Variants in GRM8 observed in about 807,000 individuals in gnomAD.
GRM8 encodes metabotropic glutamate receptor 8.
GRM8 carries 47 observed loss-of-function variants against 87.2 expected under a neutral mutation model. That is an observed-to-expected ratio of 0.54 (90% CI 0.43 to 0.69). The LOEUF is 0.69. Ranked by LOEUF, GRM8 falls within the 30% of genes least tolerant of loss-of-function variation. The pLI, the probability that GRM8 is intolerant of heterozygous loss-of-function variation, is 0.00. For missense variants in GRM8, 1,019 were observed against 1,139.2 expected, an observed-to-expected ratio of 0.89 and a Z score of 1.52; for synonymous variants, 396 against 404.5, an observed-to-expected ratio of 0.98 and a Z score of 0.25.
chr7:126,771,563 G>A (rs140192429), intron 6 of GRM8, among the ~76,000 whole-genome samples: 16 of 151,308 alleles, frequency 1.1e-4, no homozygotes, highest in African/African-American at 3.4e-4. Context: ...AATATAAATC[G>A]GACTATAAAA....
intron 6 of GRM8, among the ~76,000 whole-genome samples, chr7:126,806,786 G>A (rs1475877582): frequency 1.3e-5 from 2 of 152,208 alleles, no homozygotes; most frequent in Admixed American, 6.5e-5. Context: ...GGTGCCTGCC[G>A]GCTGTGCCGC....
chr7:127,030,370 T>A (rs1817246339), intron 3 of GRM8, among the ~76,000 whole-genome samples: 1 of 152,092 alleles, frequency 6.6e-6, no homozygotes, highest in Non-Finnish European at 1.5e-5. Context: ...TCTTACCCAG[T>A]GCCTCTCAAT....
chr7:127,109,475 AC>A (rs530455815), intron 2 of GRM8, among the ~76,000 whole-genome samples: 55 of 152,158 alleles, frequency 3.6e-4, no homozygotes, highest in African/African-American at 1.3e-3. Flanking sequence ...CCATATTCTC[AC>A]AGCATCTGCA....
chr7:126,455,589 T>A (rs1323480215), intron 9 of GRM8, among the ~76,000 whole-genome samples: 1 of 151,784 alleles, frequency 6.6e-6, no homozygotes. Flanking sequence ...TAATTACATC[T>A]TCTTAAACTT....
At chr7:126,678,788 A>G (rs1807250236) in intron 7 of GRM8, among the ~76,000 whole-genome samples, 1 of 152,218 alleles carries the variant, frequency 6.6e-6, no homozygotes, top group Non-Finnish European at 1.5e-5. Context: ...GAATTTTCCA[A>G]AATTGACTAA....
intron 8 of GRM8, among the ~76,000 whole-genome samples, chr7:126,559,707 G>C (rs1003489084): frequency 6.6e-6 from 1 of 152,178 alleles, no homozygotes; most frequent in Admixed American, 6.5e-5. Flanking sequence ...AATTGATTCT[G>C]TAAGTCCTTC....
At chr7:126,557,302 G>T (rs1793252618) in intron 8 of GRM8, among the ~76,000 whole-genome samples, 1 of 152,196 alleles carries the variant, frequency 6.6e-6, no homozygotes, top group Admixed American at 6.5e-5. Flanking sequence ...CATAAGGATA[G>T]CAAATAACAA....
At chr7:126,725,732 G>A (rs1018385130) in intron 7 of GRM8, among the ~76,000 whole-genome samples, 4 of 152,170 alleles carry the variant, frequency 2.6e-5, no homozygotes, top group African/African-American at 9.6e-5. Context: ...TAAGAAGCAC[G>A]GCGTTGGCAT....
At chr7:126,753,030 G>A (rs1266654818) in intron 7 of GRM8, among the ~76,000 whole-genome samples, 1 of 152,026 alleles carries the variant, frequency 6.6e-6, no homozygotes, top group African/African-American at 2.4e-5. Context: ...TTAATAATCT[G>A]TTCAATGACT....
chr7:126,542,954 A>G (rs1258756219), intron 8 of GRM8, among the ~76,000 whole-genome samples: 3 of 152,230 alleles, frequency 2.0e-5, no homozygotes, highest in Non-Finnish European at 1.5e-5. Context: ...AACAGAGATC[A>G]TGGTAGAGTA....
chr7:126,584,464 G>T (rs2151021217), intron 8 of GRM8, among the ~76,000 whole-genome samples: 1 of 152,182 alleles, frequency 6.6e-6, no homozygotes, highest in South Asian at 2.1e-4. Context: ...ATATCTCTGA[G>T]GTATGCCTAT....
At chr7:126,762,580 C>T (rs1390179384) in intron 7 of GRM8, among the ~76,000 whole-genome samples, 2 of 151,998 alleles carry the variant, frequency 1.3e-5, no homozygotes, top group African/African-American at 4.8e-5. Context: ...TGTATTCAGG[C>T]ATGTTATAAT....
chr7:126,636,483 T>G (rs142996173), intron 7 of GRM8, among the ~76,000 whole-genome samples: 18 of 152,206 alleles, frequency 1.2e-4, no homozygotes, highest in African/African-American at 4.1e-4. Context: ...ATTGTATAGG[T>G]AATAATGACA....
At chr7:126,766,867 ACAT>A (rs1818254317) in intron 7 of GRM8, among the ~76,000 whole-genome samples, 2 of 152,254 alleles carry the variant, frequency 1.3e-5, no homozygotes. Context: ...CCAATTAACA[ACAT>A]AACATAGCTG....
intron 8 of GRM8, among the ~76,000 whole-genome samples, chr7:126,604,514 C>T (rs1269285154): frequency 6.6e-6 from 1 of 152,036 alleles, no homozygotes; most frequent in African/African-American, 2.4e-5. Context: ...TTATCACATT[C>T]GTTCAATACT....
At chr7:127,103,899 A>C in intron 3 of GRM8, among the ~76,000 whole-genome samples, 1 of 152,204 alleles carries the variant, frequency 6.6e-6, no homozygotes, top group East Asian at 1.9e-4. Flanking sequence ...GGGAAGAGCC[A>C]TCACTGAGGT....
chr7:127,227,950 G>A (rs1797445365), intron 2 of GRM8, among the ~76,000 whole-genome samples: 1 of 152,190 alleles, frequency 6.6e-6, no homozygotes, highest in South Asian at 2.1e-4. Context: ...GAGAGTATGA[G>A]GCTTACAGAG....
intron 7 of GRM8, among the ~76,000 whole-genome samples, chr7:126,716,180 T>A (rs1279964966): frequency 6.6e-6 from 1 of 152,136 alleles, no homozygotes; most frequent in Non-Finnish European, 1.5e-5. Flanking sequence ...ATAAACACTT[T>A]TTTTTCTCTC....
chr7:127,251,242 G>A (rs1798849073), intron 1 of GRM8: 1 of 152,208 alleles, frequency 6.6e-6, no homozygotes, highest in Non-Finnish European at 1.5e-5. Context: ...AATTCCCCAG[G>A]GAACCGCGGG....
Sources: gnomAD v4.1 joint callset for allele counts (sites outside exome capture counted in the v4.1 genomes callset) on GRCh38, gnomAD v4.1.1 for gene constraint, MANE v1.5 for transcripts, NCBI Gene and HGNC (gene_info 2026-07-23, HGNC 2026-07-21) for gene names.